The following ENOX1 variants were observed in gnomAD, a reference collection of about 807,000 sequenced individuals.
ENOX1 encodes candidate growth-related and time keeping constitutive hydroquinone (NADH) oxidase.
Under a neutral mutation model 82.5 loss-of-function variants are expected in ENOX1, and 42 were observed. That is an observed-to-expected ratio of 0.51 (90% CI 0.40 to 0.66). ENOX1 has a LOEUF of 0.66. ENOX1 is among the 30% of genes least tolerant of loss of function. The pLI, the probability that ENOX1 is intolerant of heterozygous loss-of-function variation, is 0.00. For synonymous variants in ENOX1, 271 were observed against 282.2 expected (o/e 0.96, Z 0.40); for missense variants, 608 against 811.6 (o/e 0.75, Z 3.05).
chr13:43,694,226 GGA>G (rs2153805558), intron 1 of ENOX1, among the ~76,000 whole-genome samples: 1 of 10,468 alleles, frequency 9.6e-5, no homozygotes, highest in East Asian at 6.3e-3. Flanking sequence ...TAAACTTAGG[GGA>G]AAAAAAAAAA....
At chr13:43,245,519 T>G (rs943263357) in intron 14 of ENOX1, among the ~76,000 whole-genome samples, 1 of 152,210 alleles carries the variant, frequency 6.6e-6, no homozygotes, top group Non-Finnish European at 1.5e-5. Flanking sequence ...TTAGAATTTT[T>G]TATGGTTTCT....
At chr13:43,545,093 AC>A (rs11365003) in intron 2 of ENOX1, 19,095 of 152,278 alleles carry the variant, frequency 0.13, 1,229 homozygotes, top group East Asian at 0.26. Flanking sequence ...CACTGGCAGC[AC>A]ATGCTCTCCT....
intron 11 of ENOX1, among the ~76,000 whole-genome samples, chr13:43,320,345 C>G (rs547156628): frequency 1.3e-5 from 2 of 152,308 alleles, no homozygotes; most frequent in Non-Finnish European, 2.9e-5. Flanking sequence ...ACAACATGCC[C>G]TGCACTTTGC....
intron 11 of ENOX1, among the ~76,000 whole-genome samples, chr13:43,301,119 T>C (rs1317099962): frequency 6.6e-6 from 1 of 152,254 alleles, no homozygotes; most frequent in East Asian, 1.9e-4. Flanking sequence ...GGCACATTAC[T>C]ACATTTAGTA....
intron 3 of ENOX1, among the ~76,000 whole-genome samples, chr13:43,414,026 T>G (rs990113708): frequency 2.4e-4 from 37 of 152,152 alleles, no homozygotes; most frequent in African/African-American, 7.0e-4. Context: ...TTCCTGTTAA[T>G]GATGATTTTA....
At chr13:43,541,548 C>A (rs1390734736) in intron 2 of ENOX1, among the ~76,000 whole-genome samples, 2 of 152,034 alleles carry the variant, frequency 1.3e-5, no homozygotes, top group African/African-American at 2.4e-5. Flanking sequence ...AACAGTGCAC[C>A]ACATACTATA....
intron 11 of ENOX1, among the ~76,000 whole-genome samples, chr13:43,318,432 C>T (rs2153523486): frequency 6.6e-6 from 1 of 152,322 alleles, no homozygotes; most frequent in East Asian, 1.9e-4. Context: ...GGGTCCACAG[C>T]ACCTTGGACA....
intron 2 of ENOX1, among the ~76,000 whole-genome samples, chr13:43,531,298 T>C (rs973288462): frequency 6.6e-5 from 10 of 152,062 alleles, no homozygotes; most frequent in Non-Finnish European, 1.2e-4. Context: ...AGAAGACATT[T>C]ATGCAGCCAA....
intron 2 of ENOX1, among the ~76,000 whole-genome samples, chr13:43,641,647 T>C (rs1163547667): frequency 2.7e-5 from 4 of 146,960 alleles, no homozygotes; most frequent in African/African-American, 7.5e-5. Flanking sequence ...ACCATTCTCC[T>C]TCAGCCTCCC....
At chr13:43,646,036 T>C (rs2083880644) in intron 2 of ENOX1, among the ~76,000 whole-genome samples, 1 of 152,164 alleles carries the variant, frequency 6.6e-6, no homozygotes, top group African/African-American at 2.4e-5. Context: ...CCAGAAACAG[T>C]TTATAAGACT....
chr13:43,260,964 G>C (rs1300556298), intron 14 of ENOX1, among the ~76,000 whole-genome samples: 2 of 152,228 alleles, frequency 1.3e-5, no homozygotes, highest in Non-Finnish European at 2.9e-5. Flanking sequence ...CAGCAGGCAT[G>C]AGCGTGAACT....
intron 1 of ENOX1, among the ~76,000 whole-genome samples, chr13:43,669,113 C>T (rs1191537195): frequency 2.0e-5 from 3 of 152,198 alleles, no homozygotes; most frequent in Middle Eastern, 3.2e-3. Context: ...AATAGCAGAA[C>T]TGTACCTCCA....
chr13:43,656,170 A>G (rs1027709015), intron 2 of ENOX1, among the ~76,000 whole-genome samples: 1 of 152,204 alleles, frequency 6.6e-6, no homozygotes, highest in African/African-American at 2.4e-5. Context: ...TGTTACATAT[A>G]GTTATGGATA....
intron 14 of ENOX1, among the ~76,000 whole-genome samples, chr13:43,262,547 G>C (rs780800459): frequency 6.6e-6 from 1 of 152,154 alleles, no homozygotes; most frequent in Non-Finnish European, 1.5e-5. Context: ...TATTTGTTGA[G>C]ACAGGGTCTC....
At chr13:43,776,828 A>G (rs1951944695) in intron 1 of ENOX1, among the ~76,000 whole-genome samples, 1 of 152,046 alleles carries the variant, frequency 6.6e-6, no homozygotes, top group Non-Finnish European at 1.5e-5. Context: ...CTAGGGAAAA[A>G]AAAAAAAAAT....
chr13:43,716,308 G>C (rs1232920302), intron 1 of ENOX1, among the ~76,000 whole-genome samples: 2 of 152,116 alleles, frequency 1.3e-5, no homozygotes, highest in Non-Finnish European at 2.9e-5. Flanking sequence ...GTCTGTTGGA[G>C]TTTGCTAGAG....
intron 14 of ENOX1, among the ~76,000 whole-genome samples, chr13:43,253,286 C>T (rs1180697494): frequency 6.6e-6 from 1 of 152,204 alleles, no homozygotes; most frequent in Non-Finnish European, 1.5e-5. Context: ...CGCCTTTCTT[C>T]CCTTTTTTCT....
At chr13:43,492,315 T>C (rs2076647739) in intron 2 of ENOX1, among the ~76,000 whole-genome samples, 1 of 152,210 alleles carries the variant, frequency 6.6e-6, no homozygotes, top group Non-Finnish European at 1.5e-5. Context: ...GCCATTGCTT[T>C]GACTGAAGCC....
chr13:43,441,049 G>A (rs959409190), intron 3 of ENOX1, among the ~76,000 whole-genome samples: 2 of 152,082 alleles, frequency 1.3e-5, no homozygotes, highest in African/African-American at 4.8e-5. Context: ...AAGATAACCA[G>A]TACGCTTCAA....
Sources: allele counts gnomAD v4.1 joint callset (sites outside exome capture counted in the v4.1 genomes callset), GRCh38; gene constraint gnomAD v4.1.1; transcripts MANE v1.5; gene names NCBI Gene and HGNC (gene_info 2026-07-23, HGNC 2026-07-21).